TIMM21: variants seen among roughly 807,000 people sequenced by gnomAD.
TIMM21 encodes translocase of inner mitochondrial membrane 21, also known as mitochondrial import inner membrane translocase subunit Tim21.
A neutral mutation model predicts 27.7 loss-of-function variants in TIMM21; 30 were observed. The observed-to-expected ratio is 1.08, with a 90% CI of 0.81 to 1.47. The LOEUF is 1.47. Ranked by LOEUF, TIMM21 falls within the 40% of genes most tolerant of loss-of-function variation. TIMM21 has a pLI of 0.00. For missense variants in TIMM21, 292 were observed against 302.9 expected, an observed-to-expected ratio of 0.96 and a Z score of 0.27; for synonymous variants, 121 against 114.4, an observed-to-expected ratio of 1.06 and a Z score of -0.37.
In TIMM21 at chr18:74,159,378, T is replaced by A. The variant is rs1038729347; in HGVS notation, c.*898T>A. ...ACTTACAAGATCCTGATTCCATATC[T>A]ATGTAAGTGCTATGTGCATTGGGAG... is the stretch of plus-strand genomic sequence containing the variant. On this transcript the variant is annotated 3_prime_UTR_variant, in exon 6 of 6. Coordinates refer to ENST00000169551, the MANE Select transcript of TIMM21 (RefSeq NM_014177.3). 1 of 152,062 alleles carries A rather than the reference T, an allele frequency of 6.6e-6. No individual in the cohort carries two copies. Among genetic ancestry groups the A allele is most frequent in the Admixed American group, 6.5e-5 (1 of 15,268 alleles). The allele number at this position is 152,062 out of a possible 1,614,324, so 9.4% of individuals were successfully genotyped here. A position where few individuals can be genotyped will look rare whatever the true frequency, so the allele number is the denominator to read the frequency against.
Position 74,155,398 on chromosome 18 carries a change from C to T in TIMM21, c.457C>T (p.Pro153Ser). 2 of 1,608,910 alleles carry T rather than the reference C, an allele frequency of 1.2e-6. No homozygotes were observed. ...AGCCTTAGAAAAATGCAGATCACAT[C>T]CTGAGGTTAGTTCTCAAGATTGAGT... is the stretch of plus-strand genomic sequence containing the variant. ...GRALEKCRSH[P>S]EVIGVFGESV... The change falls in exon 3 of 6, where the codon CCT (proline) becomes TCT (serine). Residue 153 changes from proline to serine, a missense_variant. By Grantham distance (74) the Pro-to-Ser change is moderately conservative. Transcript: ENST00000169551.
At position 74,149,052 on chromosome 18, in the gene TIMM21, C is replaced by G. The variant is rs200022512; in HGVS notation, c.244C>G (p.Gln82Glu). 1.6e-4 allele frequency: 263 copies of G among 1,614,026 alleles called. No homozygotes were observed. The African/African-American group carries it at 2.7e-3, about 17-fold the overall frequency. Residue 82 changes from glutamine to glutamate, a missense_variant, in exon 1 of 6, where the codon CAA (glutamine) becomes GAA (glutamate). Physicochemically the swap from Gln to Glu is conservative, Grantham distance 29. Transcript: ENST00000169551. ...PRKAKEDGSKQVSVHRSQRGG... is the reference protein window; with the variant it reads ...PRKAKEDGSKEVSVHRSQRGG... ...AAAAGCAAAGGAGGATGGCAGCAAA[C>G]AAGTGTCTGTGCACAGGAGTCAGAG...
chr18:74,158,318 G>C (rs755379789), intron 5 of TIMM21, 42 bp downstream of exon 5: 2 of 1,610,134 alleles, frequency 1.2e-6, no homozygotes, highest in Non-Finnish European at 1.7e-6. Flanking sequence ...TTCTGAGCGC[G>C]GTGTTATTTA....
chr18:74,149,644 A>C, intron 1 of TIMM21, among the ~76,000 whole-genome samples: 1 of 152,252 alleles, frequency 6.6e-6, no homozygotes, highest in African/African-American at 2.4e-5. Flanking sequence ...GAAGATGACT[A>C]TTTTTAACAT....
chr18:74,155,984 T>A (rs1489885916), intron 3 of TIMM21, among the ~76,000 whole-genome samples: 1 of 152,190 alleles, frequency 6.6e-6, no homozygotes, highest in Non-Finnish European at 1.5e-5. Context: ...TTAAGCACAG[T>A]CTGCCTCTAC....
intron 1 of TIMM21, 193 bp from the exon 2 acceptor site, chr18:74,154,952 C>T (rs1268240796): frequency 1.7e-6 from 1 of 599,006 alleles, no homozygotes; most frequent in Non-Finnish European, 3.0e-6. Flanking sequence ...ACATAGATTC[C>T]CAAGCCCTGC....
rs1457788921 is a variant in TIMM21 at position 74,158,052 on chromosome 18, G to A, written c.501G>A (p.Gly167=). The change falls in exon 4 of 6, where the codon GGG becomes GGA. Residue 167 remains glycine, a synonymous_variant. Transcript: ENST00000169551. Reference sequence around the variant, plus strand: ...TTGGTGAGTCTGTTAAAGGCTATGGGGAGGTGACAAGGCGGGGTCGCCGGC... The same window carrying A: ...TTGGTGAGTCTGTTAAAGGCTATGGAGAGGTGACAAGGCGGGGTCGCCGGC... ...GVFGESVKGY[G]EVTRRGRRQH... The A allele has an allele frequency of 1.9e-6, 3 of 1,614,204 alleles. No homozygotes were observed. The highest frequency in any genetic ancestry group is 2.2e-5 in the East Asian group (1 of 44,878).
At chr18:74,156,007 G>A (rs1253318629) in intron 3 of TIMM21, among the ~76,000 whole-genome samples, 2 of 152,168 alleles carry the variant, frequency 1.3e-5, no homozygotes, top group East Asian at 3.9e-4. Flanking sequence ...TTCCCTGGGA[G>A]GAGTGGACAT....
Position 74,148,980 on chromosome 18 carries a change from C to G in TIMM21, c.172C>G (p.Leu58Val), listed in dbSNP as rs774457041. Residue 58 changes from leucine to valine, a missense_variant, in exon 1 of 6, where the codon CTT becomes GTT. Physicochemically the swap from Leu to Val is conservative, Grantham distance 32 (BLOSUM62 1). Transcript: ENST00000169551. ...GAAAACGCTGCGACCTAGATGTATT[C>G]TTGGAGTCACCCAGAAAACCATCTG... is the stretch of plus-strand genomic sequence containing the variant. The part of the protein sequence containing the change: ...QKKTLRPRCI[L>V]GVTQKTIWTQ... 18 of 1,614,026 alleles carry G rather than the reference C, an allele frequency of 1.1e-5. No individual in the cohort carries two copies. The African/African-American group carries it at 1.7e-4, about 16-fold the overall frequency.
Position 74,158,049 on chromosome 18 carries a change from T to G in TIMM21, c.498T>G (p.Tyr166Ter). The G allele has an allele frequency of 6.2e-7, 1 of 1,614,168 alleles. No homozygotes were observed. The highest frequency in any genetic ancestry group is 1.1e-5 in the South Asian group (1 of 91,086). ...TCTTTGGTGAGTCTGTTAAAGGCTATGGGGAGGTGACAAGGCGGGGTCGCC... is the reference window on the plus strand; with the variant it reads ...TCTTTGGTGAGTCTGTTAAAGGCTAGGGGGAGGTGACAAGGCGGGGTCGCC... Reference protein sequence around the residue: ...IGVFGESVKGYGEVTRRGRRQ... With the variant: ...IGVFGESVKG Residue 166 changes from tyrosine to a stop codon, truncating the protein, a stop_gained, in exon 4 of 6, where the codon TAT becomes TAG. Coordinates refer to ENST00000169551, the MANE Select transcript of TIMM21 (RefSeq NM_014177.3). LOFTEE classifies it high-confidence loss of function.
rs928150381 is a variant in TIMM21 at position 74,159,101 on chromosome 18, T to C, written c.*621T>C. ...TTTCTAGCAGGTGCGTGGTCAAGTG[T>C]CCCTGTTGTGTGGGTTGTTAGGATG... On this transcript the variant is annotated 3_prime_UTR_variant, in exon 6 of 6. Transcript: ENST00000169551. 1 of 154,038 alleles carries C rather than the reference T, an allele frequency of 6.5e-6. No homozygotes were observed. The highest frequency in any genetic ancestry group is 6.5e-5 in the Admixed American group (1 of 15,388). 9.5% of individuals were successfully genotyped at this position (154,038 alleles called of 1,614,324 possible). A position where few individuals can be genotyped will look rare whatever the true frequency, so the allele number is the denominator to read the frequency against.
intron 1 of TIMM21, among the ~76,000 whole-genome samples, chr18:74,153,290 A>G (rs1321109908): frequency 6.6e-6 from 1 of 152,208 alleles, no homozygotes; most frequent in Admixed American, 6.5e-5. Flanking sequence ...TATATAACAG[A>G]TATACAGGAG....
Position 74,148,590 on chromosome 18 carries a change from A to C in TIMM21, c.-219A>C. On this transcript the variant is annotated 5_prime_UTR_variant, in exon 1 of 6. The change abolishes the stop of an existing upstream ORF in the 5' untranslated region. Transcript: ENST00000169551. The stretch of plus-strand genomic sequence containing the variant: ...GCCCAGAAGGTGATCAGAGCCTGTT[A>C]ATTAAAATGGAAAGAAGACAGAAGG... 1 of 481,486 alleles carries C rather than the reference A, an allele frequency of 2.1e-6. No individual in the cohort carries two copies. The highest frequency in any genetic ancestry group is 3.7e-6 in the Non-Finnish European group (1 of 268,648). The allele number at this position is 481,486 out of a possible 1,614,324, so 29.8% of individuals were successfully genotyped here.
Position 74,159,709 on chromosome 18 carries a change from CTGAA to C in TIMM21, c.*1233_*1236del. ...GTCTCCCTGACGTAACACACTTTGACTGAATGAGGCCTTAACTTAGGCTTTCTCT... is the reference window on the plus strand; with the variant it reads ...GTCTCCCTGACGTAACACACTTTGACTGAGGCCTTAACTTAGGCTTTCTCT... On this transcript the variant is annotated 3_prime_UTR_variant, in exon 6 of 6. Coordinates refer to ENST00000169551, the MANE Select transcript of TIMM21 (RefSeq NM_014177.3). 1 of 152,324 alleles carries C rather than the reference CTGAA, an allele frequency of 6.6e-6. No individual in the cohort carries two copies. The highest frequency in any genetic ancestry group is 1.9e-4 in the East Asian group (1 of 5,188). 9.4% of individuals were successfully genotyped at this position (152,324 alleles called of 1,614,324 possible). A position where few individuals can be genotyped will look rare whatever the true frequency, so the allele number is the denominator to read the frequency against.
chr18:74,150,228 T>G (rs959403364), intron 1 of TIMM21, among the ~76,000 whole-genome samples: 2 of 152,178 alleles, frequency 1.3e-5, no homozygotes, highest in African/African-American at 2.4e-5. Context: ...GGCATAAATA[T>G]AGTAGACAAA....
intron 1 of TIMM21, among the ~76,000 whole-genome samples, chr18:74,153,116 T>C (rs56090813): frequency 0.25 from 37,303 of 152,112 alleles, 6,894 homozygotes; most frequent in African/African-American, 0.51. Flanking sequence ...TAGAGAATTG[T>C]GGAAGCAAAT....
At chr18:74,155,279 C>T in intron 2 of TIMM21, 27 bp from the exon 3 acceptor site, 1 of 1,612,292 alleles carries the variant, frequency 6.2e-7, no homozygotes, top group Non-Finnish European at 8.5e-7. Context: ...CCTTGCTTCG[C>T]TTCATCTTTG....
Position 74,155,960 on chromosome 18 carries a change from C to T in TIMM21, c.462+557C>T, listed in dbSNP as rs761529689. Among the ~76,000 whole-genome samples, 43 of 152,208 alleles carry T rather than the reference C, an allele frequency of 2.8e-4. 1 individual carries two copies. The highest frequency in any genetic ancestry group is 2.2e-3 in the Admixed American group (34 of 15,282). ...ATCCACACAAATCCAAAATTTGCTT[C>T]CAAATCTAAGCTCTTAAGCACAGTC... is the stretch of plus-strand genomic sequence containing the variant. On this transcript the variant is annotated intron_variant, in intron 3 of 5. Transcript: ENST00000169551.
intron 1 of TIMM21, among the ~76,000 whole-genome samples, chr18:74,151,801 C>T (rs1291696608): frequency 6.6e-6 from 1 of 152,156 alleles, no homozygotes; most frequent in Non-Finnish European, 1.5e-5. Context: ...ACCTAGCCAG[C>T]TGCATATCAG....
Sources: allele counts gnomAD v4.1 joint callset (sites outside exome capture counted in the v4.1 genomes callset), GRCh38; gene constraint gnomAD v4.1.1; transcripts MANE v1.5; gene names NCBI Gene and HGNC (gene_info 2026-07-23, HGNC 2026-07-21).